Variants in MPP7 observed in about 807,000 individuals in gnomAD.
The protein encoded by MPP7 is MAGUK p55 subfamily member 7.
In MPP7, 60 loss-of-function variants were observed where a neutral mutation model predicts 76.5. The ratio of observed to expected loss-of-function variants is 0.78; its 90% CI spans 0.64 to 0.97. MPP7 has a LOEUF of 0.97. Among genes scored for constraint, MPP7 ranks in the 50% least tolerant of loss-of-function variants. The probability of loss-of-function intolerance (pLI) is 0.00; values close to 1 mark genes in which losing one functional copy is unlikely to be tolerated. For synonymous variants in MPP7, 237 were observed against 244.5 expected (o/e 0.97, Z 0.29); for missense variants, 641 against 694.0 (o/e 0.92, Z 0.86).
rs891696405 is a variant in MPP7, at chr10:28,280,136, T to C, written c.-132+22725A>G. ...TCAGTTCAGCAACTGCCAAGACTGC[T>C]ATACCTAACAGGACAAAAATAAAGG... On this transcript the variant is annotated intron_variant, in intron 1 of 16. Transcript: ENST00000683449. 3 of 152,192 alleles carry C rather than the reference T, an allele frequency of 2.0e-5. No homozygotes were observed. The South Asian group carries it at 6.2e-4, about 32-fold the overall frequency. 9.4% of individuals were successfully genotyped at this position (152,192 alleles called of 1,614,324 possible). A position where few individuals can be genotyped will look rare whatever the true frequency, so the allele number is the denominator to read the frequency against.
At chr10:28,274,813 T>A (rs1238305678) in intron 1 of MPP7, among the ~76,000 whole-genome samples, 2 of 152,198 alleles carry the variant, frequency 1.3e-5, no homozygotes, top group Admixed American at 6.5e-5. Flanking sequence ...GGCTTTTTTT[T>A]ATATGCCATC....
chr10:28,094,053 T>C (rs1328857906), intron 11 of MPP7, among the ~76,000 whole-genome samples: 1 of 152,120 alleles, frequency 6.6e-6, no homozygotes, highest in African/African-American at 2.4e-5. Flanking sequence ...CTAAAAGGTG[T>C]CAAAGGCTAA....
chr10:28,240,043 G>A (rs1450907855), intron 1 of MPP7, among the ~76,000 whole-genome samples: 3 of 152,010 alleles, frequency 2.0e-5, no homozygotes, highest in Admixed American at 1.3e-4. Context: ...ACACCTAGAG[G>A]GAGGCCATCT....
intron 12 of MPP7, among the ~76,000 whole-genome samples, chr10:28,071,421 T>C (rs542481537): frequency 1.3e-5 from 2 of 152,246 alleles, no homozygotes; most frequent in African/African-American, 4.8e-5. Context: ...CCCGAGGTGG[T>C]CATTCACTAC....
chr10:28,075,414 G>T (rs942158658), intron 12 of MPP7, among the ~76,000 whole-genome samples: 1 of 151,950 alleles, frequency 6.6e-6, no homozygotes, highest in Non-Finnish European at 1.5e-5. Flanking sequence ...CTGGTTTATG[G>T]CCCCGAAACT....
chr10:28,254,080 C>CT (rs1276685360), intron 1 of MPP7, among the ~76,000 whole-genome samples: 1 of 142,442 alleles, frequency 7.0e-6, no homozygotes, highest in Non-Finnish European at 1.5e-5. Context: ...TTCAATTGCA[C>CT]TATAATCTCC....
chr10:28,072,803 T>C (rs1483212604), intron 12 of MPP7, among the ~76,000 whole-genome samples: 1 of 152,234 alleles, frequency 6.6e-6, no homozygotes, highest in Non-Finnish European at 1.5e-5. Context: ...CATTCTCTGA[T>C]CTTCTTGGAT....
At chr10:28,136,630 T>C (rs1447778960) in intron 5 of MPP7, among the ~76,000 whole-genome samples, 6 of 151,904 alleles carry the variant, frequency 3.9e-5, no homozygotes, top group Admixed American at 2.0e-4. Flanking sequence ...TCTAAAAAGT[T>C]AAAGGAAACA....
intron 2 of MPP7, among the ~76,000 whole-genome samples, chr10:28,204,442 CA>C (rs35353394): frequency 0.013 from 1,275 of 94,972 alleles, 8 homozygotes; most frequent in African/African-American, 0.022. Context: ...AACTCCGTCT[CA>C]AAAAAAAAAA....
In MPP7 at chr10:28,057,605, CTTTTTTTTTTTTTTT is replaced by C. The variant is rs59550501; in HGVS notation, c.1407+875_1407+889del. On this transcript the variant is annotated intron_variant, in intron 15 of 16. Coordinates refer to ENST00000683449, the MANE Select transcript of MPP7 (RefSeq NM_001318170.2). ...GCAGAGCAGTGAGCCAATTAAACCT[CTTTTTTTTTTTTTTT>C]TTTTTTTTTTTTTTTAGTAAATTAC... is the stretch of plus-strand genomic sequence containing the variant. The C allele has an allele frequency of 7.3e-4, 89 of 122,592 alleles. 1 individual carries two copies. The highest frequency in any genetic ancestry group is 5.2e-3 in the African/African-American group (77 of 14,798). The allele number at this position is 122,592 out of a possible 1,614,324, so 7.6% of individuals were successfully genotyped here. A position where few individuals can be genotyped will look rare whatever the true frequency, so the allele number is the denominator to read the frequency against.
At chr10:28,272,497 C>G (rs1230388867) in intron 1 of MPP7, among the ~76,000 whole-genome samples, 1 of 152,096 alleles carries the variant, frequency 6.6e-6, no homozygotes, top group Non-Finnish European at 1.5e-5. Flanking sequence ...GATAGACCCT[C>G]AAATAATGAA....
In MPP7 at chr10:28,262,206, T is replaced by C. The variant is rs868183889; in HGVS notation, c.-131-23471A>G. 6.8e-3 allele frequency among the ~76,000 whole-genome samples: 57 copies of C among 8,434 alleles called. 7 individuals carry two copies. Among genetic ancestry groups the C allele is most frequent in the Middle Eastern group, 0.083 (1 of 12 alleles). The allele number at this position is 8,434 out of a possible 152,430, so 5.5% of individuals were successfully genotyped here. ...TAAATTATATATATATATATATATA[T>C]ACATATATATATATATATACATATA... On this transcript the variant is annotated intron_variant, in intron 1 of 16. Transcript: ENST00000683449.
chr10:28,054,934 C>A (rs963678249), intron 16 of MPP7, among the ~76,000 whole-genome samples: 2 of 152,212 alleles, frequency 1.3e-5, no homozygotes, highest in African/African-American at 4.8e-5. Flanking sequence ...CTGCCTCGGC[C>A]TCCCAAAGTG....
At chr10:28,114,512 G>C (rs1174008817) in intron 11 of MPP7, among the ~76,000 whole-genome samples, 2 of 152,004 alleles carry the variant, frequency 1.3e-5, no homozygotes, top group Non-Finnish European at 2.9e-5. Flanking sequence ...GGTGAGTCCT[G>C]CACACTGGGC....
intron 2 of MPP7, among the ~76,000 whole-genome samples, chr10:28,204,442 C>CA (rs35353394): frequency 0.36 from 34,224 of 94,858 alleles, 6,342 homozygotes; most frequent in African/African-American, 0.52. Context: ...AACTCCGTCT[C>CA]AAAAAAAAAA....
chr10:28,124,729 C>A (rs186673486), intron 7 of MPP7, among the ~76,000 whole-genome samples: 1 of 151,954 alleles, frequency 6.6e-6, no homozygotes, highest in South Asian at 2.1e-4. Flanking sequence ...GTGATCCACC[C>A]GCCTTGGCCT....
chr10:28,324,960 A>C (rs1397900238), intron 2 of MPP7, among the ~76,000 whole-genome samples: 1 of 152,216 alleles, frequency 6.6e-6, no homozygotes, highest in East Asian at 1.9e-4. Flanking sequence ...GCCTGTGTTC[A>C]CAGCTCGCTG....
At chr10:28,332,249 G>GTGTGTGTGTGTGTGTA (rs1834478080) in intron 1 of MPP7, among the ~76,000 whole-genome samples, 1 of 144,716 alleles carries the variant, frequency 6.9e-6, no homozygotes, top group Non-Finnish European at 1.5e-5. Context: ...ATGTATGCGT[G>GTGTGTGTGTGTGTGTA]TGTGTGTGTG....
At chr10:28,258,301 A>G (rs1451106097) in intron 1 of MPP7, among the ~76,000 whole-genome samples, 1 of 150,458 alleles carries the variant, frequency 6.6e-6, no homozygotes, top group Non-Finnish European at 1.5e-5. Context: ...CCAAAAGTCT[A>G]CAGTTTGCCT....
Sources: allele counts gnomAD v4.1 joint callset (sites outside exome capture counted in the v4.1 genomes callset), GRCh38; gene constraint gnomAD v4.1.1; transcripts MANE v1.5; gene names NCBI Gene and HGNC (gene_info 2026-07-23, HGNC 2026-07-21).